The following UNC79 variants were observed in gnomAD, a reference collection of about 807,000 sequenced individuals.
UNC79 encodes the protein protein unc-79 homolog.
Under a neutral mutation model 283.1 loss-of-function variants are expected in UNC79, and 37 were observed. That is an observed-to-expected ratio of 0.13 (90% CI 0.10 to 0.17). The LOEUF is 0.17. UNC79 is among the 10% of genes least tolerant of loss of function. The pLI is 1.00. For synonymous variants in UNC79, 1,107 were observed against 1,200.2 expected (o/e 0.92, Z 1.61); for missense variants, 2,272 against 3,211.1 (o/e 0.71, Z 7.07).
chr14:93,404,511 T>TATATATATATATAA (rs1342806157), intron 1 of UNC79, among the ~76,000 whole-genome samples: 72 of 117,184 alleles, frequency 6.1e-4, no homozygotes, highest in Non-Finnish European at 1.2e-3. Flanking sequence ...TATATATATA[T>TATATATATATATAA]ATAAATATAT....
chr14:93,595,067 C>G (rs1161032729), intron 23 of UNC79, among the ~76,000 whole-genome samples: 1 of 150,184 alleles, frequency 6.7e-6, no homozygotes. Context: ...TGTTACTTCT[C>G]TTTCTTTCCT....
chr14:93,634,606 C>T (rs370028197), intron 31 of UNC79: 83 of 1,614,082 alleles, frequency 5.1e-5, no homozygotes, highest in East Asian at 1.3e-4. Flanking sequence ...ATCAGTCTAG[C>T]GCCCCCCATA....
At chr14:93,573,040 T>G (rs959786302) in intron 16 of UNC79, among the ~76,000 whole-genome samples, 6 of 152,256 alleles carry the variant, frequency 3.9e-5, no homozygotes, top group Admixed American at 6.5e-5. Flanking sequence ...ATAATATTAC[T>G]GAATTCTTAG....
chr14:93,637,564 C>G (rs976810897), intron 32 of UNC79, among the ~76,000 whole-genome samples: 1 of 152,222 alleles, frequency 6.6e-6, no homozygotes, highest in Non-Finnish European at 1.5e-5. Flanking sequence ...AAGCCATTCT[C>G]CTGCCCCAGC....
chr14:93,396,777 ATGTGTGTGTGTG>A (rs34727419), intron 1 of UNC79, among the ~76,000 whole-genome samples: 2 of 144,378 alleles, frequency 1.4e-5, no homozygotes, highest in East Asian at 2.0e-4. Context: ...ATGTGTGTGT[ATGTGTGTGTGTG>A]TGTGTGTGTG....
chr14:93,386,087 AG>A (rs538280748), intron 1 of UNC79, among the ~76,000 whole-genome samples: 15 of 152,304 alleles, frequency 9.8e-5, no homozygotes, highest in Admixed American at 3.9e-4. Flanking sequence ...TTCCCTATTC[AG>A]TGTGATACTA....
At chr14:93,569,793 CT>C (rs1381288507) in intron 14 of UNC79, among the ~76,000 whole-genome samples, 2 of 152,082 alleles carry the variant, frequency 1.3e-5, no homozygotes, top group Non-Finnish European at 2.9e-5. Context: ...TTCCAGTGTC[CT>C]GGCATTTTAT....
At chr14:93,349,969 A>T (rs1292533868) in intron 1 of UNC79, among the ~76,000 whole-genome samples, 1 of 152,250 alleles carries the variant, frequency 6.6e-6, no homozygotes, top group Admixed American at 6.5e-5. Flanking sequence ...AATAGGATAA[A>T]TGCTTCCAGG....
intron 1 of UNC79, among the ~76,000 whole-genome samples, chr14:93,399,518 C>A (rs192411130): frequency 2.9e-4 from 44 of 152,106 alleles, no homozygotes; most frequent in Non-Finnish European, 4.4e-5. Context: ...ACCCATTTTT[C>A]TTCTATTCTT....
intron 8 of UNC79, among the ~76,000 whole-genome samples, chr14:93,527,619 G>T (rs1013895663): frequency 6.6e-6 from 1 of 152,116 alleles, no homozygotes. Context: ...ATAAGTTTAG[G>T]TGATTTCCCC....
intron 1 of UNC79, among the ~76,000 whole-genome samples, chr14:93,375,729 T>G (rs746450312): frequency 3.3e-5 from 5 of 152,038 alleles, no homozygotes; most frequent in African/African-American, 1.2e-4. Flanking sequence ...AATGACCAGA[T>G]GTCATGAGAG....
At chr14:93,687,812 C>G (rs986196848) in intron 43 of UNC79, among the ~76,000 whole-genome samples, 2 of 152,118 alleles carry the variant, frequency 1.3e-5, no homozygotes, top group African/African-American at 4.8e-5. Context: ...CAATTATTAC[C>G]TAAACATGTT....
chr14:93,421,434 A>G (rs1242251100), intron 1 of UNC79, among the ~76,000 whole-genome samples: 1 of 151,684 alleles, frequency 6.6e-6, no homozygotes, highest in Non-Finnish European at 1.5e-5. Flanking sequence ...GAACAGACCA[A>G]TAACAAGTAG....
intron 1 of UNC79, among the ~76,000 whole-genome samples, chr14:93,404,494 AT>A (rs56659924): frequency 0.29 from 18,421 of 62,884 alleles, 2,531 homozygotes; most frequent in African/African-American, 0.33. Flanking sequence ...TCTAAAAAAA[AT>A]ATATATATAT....
At chr14:93,645,130 A>C (rs2069458643) in intron 34 of UNC79, among the ~76,000 whole-genome samples, 1 of 152,182 alleles carries the variant, frequency 6.6e-6, no homozygotes, top group African/African-American at 2.4e-5. Flanking sequence ...GTATAGAATT[A>C]TTGTTCTGGT....
chr14:93,386,401 T>C (rs918277324), intron 1 of UNC79, among the ~76,000 whole-genome samples: 1 of 152,202 alleles, frequency 6.6e-6, no homozygotes, highest in African/African-American at 2.4e-5. Context: ...TTTGCATCAA[T>C]ATGTATCAGT....
chr14:93,385,984 C>T (rs2054766852), intron 1 of UNC79, among the ~76,000 whole-genome samples: 1 of 152,056 alleles, frequency 6.6e-6, no homozygotes, highest in African/African-American at 2.4e-5. Flanking sequence ...TGTCTGATTG[C>T]TCTAACTATA....
At chr14:93,450,764 A>G (rs1335050430) in intron 1 of UNC79, among the ~76,000 whole-genome samples, 1 of 152,078 alleles carries the variant, frequency 6.6e-6, no homozygotes, top group Non-Finnish European at 1.5e-5. Context: ...GTGCATTGCT[A>G]TGTGTCTATT....
At chr14:93,525,007 A>G (rs1260960500) in intron 8 of UNC79, among the ~76,000 whole-genome samples, 1 of 152,216 alleles carries the variant, frequency 6.6e-6, no homozygotes, top group Non-Finnish European at 1.5e-5. Flanking sequence ...GAAACCAAAA[A>G]TGTGTTTCAT....
Sources: gnomAD v4.1 joint callset for allele counts (sites outside exome capture counted in the v4.1 genomes callset) on GRCh38, gnomAD v4.1.1 for gene constraint, MANE v1.5 for transcripts, NCBI Gene and HGNC (gene_info 2026-07-23, HGNC 2026-07-21) for gene names.